The following IMMP2L variants were observed in gnomAD, a reference collection of about 807,000 sequenced individuals.
IMMP2L encodes the protein mitochondrial inner membrane protease subunit 2.
In IMMP2L, 18 loss-of-function variants were observed where a neutral mutation model predicts 19.3. That is an observed-to-expected ratio of 0.93 (90% CI 0.64 to 1.38). The LOEUF (loss-of-function observed/expected upper bound fraction) is 1.38, where lower values mean the gene tolerates loss of function less well. IMMP2L is among the 40% of genes most tolerant of loss of function. The pLI is 0.00. For missense variants in IMMP2L, 233 were observed against 218.2 expected, an observed-to-expected ratio of 1.07 and a Z score of -0.43; for synonymous variants, 76 against 73.0, an observed-to-expected ratio of 1.04 and a Z score of -0.21.
intron 3 of IMMP2L, among the ~76,000 whole-genome samples, chr7:111,289,239 AG>A (rs1408671069): frequency 6.6e-6 from 1 of 151,398 alleles, no homozygotes; most frequent in Non-Finnish European, 1.5e-5. Flanking sequence ...GGACACAGGA[AG>A]GGGAACATCA....
At chr7:110,833,180 T>A (rs999682831) in intron 5 of IMMP2L, among the ~76,000 whole-genome samples, 1 of 152,178 alleles carries the variant, frequency 6.6e-6, no homozygotes, top group African/African-American at 2.4e-5. Context: ...GGCTCATGCC[T>A]GTAATCCCAG....
At chr7:111,537,746 G>A (rs1242617158) in intron 1 of IMMP2L, among the ~76,000 whole-genome samples, 1 of 151,674 alleles carries the variant, frequency 6.6e-6, no homozygotes, top group Non-Finnish European at 1.5e-5. Flanking sequence ...ATGTTTCCCA[G>A]GCTAATCTCA....
chr7:111,163,482 T>C lies in IMMP2L; in HGVS notation c.240-199917A>G, dbSNP rs866948370. On this transcript the variant is annotated intron_variant, in intron 3 of 5. Transcript: ENST00000405709. ...CTAGCTTTGTTTATCCTTGACACTC[T>C]GAAAAAAAGTTGATAATCCCCTAAC... is the stretch of plus-strand genomic sequence containing the variant. Among the ~76,000 whole-genome samples the C allele has an allele frequency of 9.9e-5, 15 of 152,242 alleles. No individual in the cohort carries two copies. In the South Asian group the frequency reaches 2.7e-3, roughly 27 times the overall value.
At chr7:111,544,843 G>C (rs1848777991) in intron 1 of IMMP2L, among the ~76,000 whole-genome samples, 1 of 151,550 alleles carries the variant, frequency 6.6e-6, no homozygotes, top group Non-Finnish European at 1.5e-5. Flanking sequence ...GAATGAAGCA[G>C]AATCAGCATG....
chr7:110,769,846 C>T (rs1166367636), intron 5 of IMMP2L, among the ~76,000 whole-genome samples: 1 of 152,094 alleles, frequency 6.6e-6, no homozygotes, highest in African/African-American at 2.4e-5. Flanking sequence ...TCAATTTCTT[C>T]TACTGTATCT....
At chr7:110,769,971 T>C (rs1798932178) in intron 5 of IMMP2L, among the ~76,000 whole-genome samples, 1 of 152,132 alleles carries the variant, frequency 6.6e-6, no homozygotes, top group African/African-American at 2.4e-5. Flanking sequence ...GGTTTCATAA[T>C]GGGTCGCCCT....
chr7:110,776,159 A>G (rs1459682541), intron 5 of IMMP2L, among the ~76,000 whole-genome samples: 4 of 152,146 alleles, frequency 2.6e-5, no homozygotes, highest in African/African-American at 7.2e-5. Flanking sequence ...CACCAAAGTC[A>G]TTAGTAATTC....
At chr7:110,918,445 TTTTTTTC>T (rs1290473378) in intron 4 of IMMP2L, among the ~76,000 whole-genome samples, 18 of 144,442 alleles carry the variant, frequency 1.2e-4, no homozygotes, top group Non-Finnish European at 2.4e-4. Context: ...ATTTCTTTTC[TTTTTTTC>T]TTTTTTTTTT....
intron 3 of IMMP2L, among the ~76,000 whole-genome samples, chr7:111,451,087 T>C (rs1002280771): frequency 1.6e-4 from 24 of 147,156 alleles, no homozygotes; most frequent in Non-Finnish European, 8.9e-5. Context: ...TGTGGAGAAA[T>C]AGGAACACTT....
At chr7:110,964,372 A>T (rs1819306305) in intron 3 of IMMP2L, among the ~76,000 whole-genome samples, 2 of 152,066 alleles carry the variant, frequency 1.3e-5, no homozygotes, top group African/African-American at 4.8e-5. Flanking sequence ...TCCCATAAAA[A>T]CAATGAAGAT....
chr7:110,918,452 C>CTTT lies in IMMP2L; in HGVS notation c.306-31760_306-31758dup, dbSNP rs1029668134. 1.3e-3 allele frequency among the ~76,000 whole-genome samples: 173 copies of CTTT among 130,464 alleles called. 3 individuals carry two copies. Among genetic ancestry groups the CTTT allele is most frequent in the African/African-American group, 4.6e-3 (164 of 35,338 alleles). 85.6% of individuals were successfully genotyped at this position (130,464 alleles called of 152,430 possible). A position where few individuals can be genotyped will look rare whatever the true frequency, so the allele number is the denominator to read the frequency against. On this transcript the variant is annotated intron_variant, in intron 4 of 5. Transcript: ENST00000405709. ...AAATAGGAATTTCTTTTCTTTTTTTCTTTTTTTTTTTTTTTTTGTTGAAAT... is the reference window on the plus strand; with the variant it reads ...AAATAGGAATTTCTTTTCTTTTTTTCTTTTTTTTTTTTTTTTTTTTGTTGAAAT...
intron 3 of IMMP2L, among the ~76,000 whole-genome samples, chr7:111,485,765 A>G (rs959116366): frequency 6.6e-6 from 1 of 152,062 alleles, no homozygotes; most frequent in Non-Finnish European, 1.5e-5. Context: ...AATATACTCC[A>G]TGATATGGTA....
chr7:110,678,289 C>G (rs535446319), intron 5 of IMMP2L, among the ~76,000 whole-genome samples: 1 of 152,084 alleles, frequency 6.6e-6, no homozygotes, highest in African/African-American at 2.4e-5. Flanking sequence ...AGAAGCTGCC[C>G]CAGTCTCTGC....
chr7:110,677,070 C>T (rs1283698107), intron 5 of IMMP2L, among the ~76,000 whole-genome samples: 1 of 152,128 alleles, frequency 6.6e-6, no homozygotes, highest in Non-Finnish European at 1.5e-5. Context: ...ATTTTTTGCT[C>T]ATGTCAATAT....
At chr7:111,534,955 T>C (rs1398974636) in intron 1 of IMMP2L, among the ~76,000 whole-genome samples, 1 of 152,164 alleles carries the variant, frequency 6.6e-6, no homozygotes, top group Non-Finnish European at 1.5e-5. Context: ...TAGAAGTAGA[T>C]GACTTTAAGG....
At chr7:111,160,158 A>G (rs1249636954) in intron 3 of IMMP2L, among the ~76,000 whole-genome samples, 3 of 152,166 alleles carry the variant, frequency 2.0e-5, no homozygotes, top group Non-Finnish European at 4.4e-5. Context: ...AGTATTAAAT[A>G]TATCCAAAAA....
At position 110,941,594 on chromosome 7, in the gene IMMP2L, G is replaced by T. The variant is rs1321009778; in HGVS notation, c.305+21906C>A. ...TTTATTGTCGAATGAGAGACAAGGG[G>T]TTTAAACTTGTGAGTAATATAAATA... On this transcript the variant is annotated intron_variant, in intron 4 of 5. Coordinates refer to ENST00000405709, the MANE Select transcript of IMMP2L (RefSeq NM_032549.4). 2.6e-5 allele frequency among the ~76,000 whole-genome samples: 4 copies of T among 152,120 alleles called. No homozygotes were observed. The South Asian group carries it at 6.2e-4, about 24-fold the overall frequency.
intron 5 of IMMP2L, among the ~76,000 whole-genome samples, chr7:110,753,389 G>A (rs1341596940): frequency 6.6e-6 from 1 of 151,846 alleles, no homozygotes; most frequent in African/African-American, 2.4e-5. Context: ...CCAAGAAGTG[G>A]AGACCAGGTT....
rs1336616289 is a variant in IMMP2L at position 111,325,985 on chromosome 7, T to G, written c.239+161253A>C. Among the ~76,000 whole-genome samples, 10 of 151,728 alleles carry G rather than the reference T, an allele frequency of 6.6e-5. 1 individual carries two copies. In the Admixed American group the frequency reaches 6.6e-4, roughly 10 times the overall value. ...ACTGAATTGTGAGCAACATTGCTAT[T>G]TATAATTTATTACTGCTTGAAGTTG... On this transcript the variant is annotated intron_variant, in intron 3 of 5. Transcript: ENST00000405709.
Sources: allele counts gnomAD v4.1 joint callset (sites outside exome capture counted in the v4.1 genomes callset), GRCh38; gene constraint gnomAD v4.1.1; transcripts MANE v1.5; gene names NCBI Gene and HGNC (gene_info 2026-07-23, HGNC 2026-07-21).